AKR1E2: variants seen among roughly 807,000 people sequenced by gnomAD.
AKR1E2 encodes aldo-keto reductase family 1 member E2, also known as 1,5-anhydro-D-fructose reductase.
Under a neutral mutation model 41.9 loss-of-function variants are expected in AKR1E2, and 43 were observed. The observed-to-expected ratio is 1.03, with a 90% CI of 0.80 to 1.32. AKR1E2 has a LOEUF of 1.32. Among genes scored for constraint, AKR1E2 ranks in the 40% most tolerant of loss-of-function variants. AKR1E2 has a pLI of 0.00. For missense variants in AKR1E2, 423 were observed against 396.5 expected (o/e 1.07, Z -0.57); for synonymous variants, 121 against 138.9 (o/e 0.87, Z 0.91).
chr10:4,869,950 G>T, the AKR1E2 span, among the ~76,000 whole-genome samples: 1 of 151,824 alleles, frequency 6.6e-6, no homozygotes, highest in Admixed American at 6.6e-5. Context: ...TTTGTTTTAT[G>T]GCCAGAATAT....
chr10:4,834,874 G>C (rs1833277700), intron 3 of AKR1E2, among the ~76,000 whole-genome samples: 2 of 152,352 alleles, frequency 1.3e-5, no homozygotes, highest in South Asian at 4.1e-4. Flanking sequence ...CTTGTGTGAT[G>C]CTGGACAATT....
At chr10:4,838,560 T>C (rs1281190299) in intron 5 of AKR1E2, among the ~76,000 whole-genome samples, 1 of 152,146 alleles carries the variant, frequency 6.6e-6, no homozygotes. Context: ...TGCAGAAAAG[T>C]GTGTGAATCA....
At chr10:4,867,698 C>G in the AKR1E2 span, among the ~76,000 whole-genome samples, 1 of 152,204 alleles carries the variant, frequency 6.6e-6, no homozygotes, top group African/African-American at 2.4e-5. Flanking sequence ...TGACTAGTTT[C>G]TTTTTAACCC....
chr10:4,857,395 A>C, the AKR1E2 span, among the ~76,000 whole-genome samples: 1 of 140,020 alleles, frequency 7.1e-6, no homozygotes, highest in South Asian at 2.2e-4. Flanking sequence ...AAAAGTGTGT[A>C]GTACCCCCCA....
chr10:4,872,628 G>C, the AKR1E2 span, among the ~76,000 whole-genome samples: 2 of 152,112 alleles, frequency 1.3e-5, no homozygotes, highest in Non-Finnish European at 1.5e-5. Context: ...CCCCTACCCT[G>C]TTTCTCATTT....
At position 4,830,666 on chromosome 10, in the gene AKR1E2, G is replaced by T; in HGVS notation, c.40-9G>T. On this transcript the variant is annotated splice_polypyrimidine_tract_variant and intron_variant, in intron 1 of 9. Transcript: ENST00000298375. ...TGTGAGAAGACACTTTGTTTTGTTG[G>T]TTTTGCAGGCTTCTCCAGGGAAAGT... 1 of 1,613,572 alleles carries T rather than the reference G, an allele frequency of 6.2e-7. No individual in the cohort carries two copies. Among genetic ancestry groups the T allele is most frequent in the Non-Finnish European group, 8.5e-7 (1 of 1,179,622 alleles).
downstream of AKR1E2, among the ~76,000 whole-genome samples, chr10:4,852,823 G>A (rs951039739): frequency 6.6e-6 from 1 of 152,114 alleles, no homozygotes; most frequent in African/African-American, 2.4e-5. Context: ...GAGGCTAGAA[G>A]TCTAGGGTCA....
intron 8 of AKR1E2, among the ~76,000 whole-genome samples, chr10:4,844,874 C>T (rs940451399): frequency 2.6e-5 from 4 of 152,244 alleles, no homozygotes; most frequent in African/African-American, 9.6e-5. Context: ...CCGCACGGGG[C>T]CGCAGGTGAA....
the AKR1E2 span, among the ~76,000 whole-genome samples, chr10:4,859,159 T>G: frequency 6.6e-6 from 1 of 152,202 alleles, no homozygotes; most frequent in East Asian, 1.9e-4. Context: ...ATGTATGGTC[T>G]TTGAAGTTTT....
the AKR1E2 span, among the ~76,000 whole-genome samples, chr10:4,871,430 T>G: frequency 5.3e-5 from 8 of 152,182 alleles, no homozygotes; most frequent in African/African-American, 1.9e-4. Context: ...TACATTCATT[T>G]ATAATATCTA....
chr10:4,826,257 T>G lies in AKR1E2; in HGVS notation c.-68T>G. ...CAACGGCGGGTCGCCAGCGCCGCAG[T>G]AGCTCGCGCGGTGCCTGTCGGTAGT... On this transcript the variant is annotated 5_prime_UTR_variant, in exon 1 of 10. Coordinates refer to ENST00000298375, the MANE Select transcript of AKR1E2 (RefSeq NM_001040177.3). The G allele has an allele frequency of 8.3e-7, 1 of 1,201,624 alleles. No individual in the cohort carries two copies. Among genetic ancestry groups the G allele is most frequent in the Non-Finnish European group, 1.0e-6 (1 of 959,764 alleles). The allele number at this position is 1,201,624 out of a possible 1,614,324, so 74.4% of individuals were successfully genotyped here.
chr10:4,872,950 A>G, the AKR1E2 span, among the ~76,000 whole-genome samples: 1 of 152,144 alleles, frequency 6.6e-6, no homozygotes, highest in Admixed American at 6.5e-5. Context: ...ATCCTGCTCT[A>G]TGGGGAAAGA....
intron 2 of AKR1E2, among the ~76,000 whole-genome samples, chr10:4,832,885 A>G (rs1284550616): frequency 1.3e-5 from 2 of 152,240 alleles, no homozygotes; most frequent in Non-Finnish European, 2.9e-5. Context: ...GATAGCTAAA[A>G]GAAGTAAGGC....
chr10:4,825,523 T>C (rs1280314520), upstream of AKR1E2, among the ~76,000 whole-genome samples: 1 of 152,076 alleles, frequency 6.6e-6, no homozygotes, highest in Admixed American at 6.5e-5. Context: ...CCCCTCTACA[T>C]GCAGGGCTCG....
chr10:4,842,616 T>C lies in AKR1E2; in HGVS notation c.837+112T>C, dbSNP rs12573690. ...TTGCGGAGCTTGATGCAACAGGGGC[T>C]TCTCCCTCTGCACTGTGGGTGTTGG... On this transcript the variant is annotated intron_variant, in intron 8 of 9. Coordinates refer to ENST00000298375, the MANE Select transcript of AKR1E2 (RefSeq NM_001040177.3). 35,757 of 912,612 alleles carry C rather than the reference T, an allele frequency of 0.039. 1,019 individuals are homozygous for C. The highest frequency in any genetic ancestry group is 0.12 in the East Asian group (4,874 of 40,214). The allele number at this position is 912,612 out of a possible 1,614,324, so 56.5% of individuals were successfully genotyped here. A position where few individuals can be genotyped will look rare whatever the true frequency, so the allele number is the denominator to read the frequency against.
chr10:4,846,631 C>T (rs1350979980), intron 8 of AKR1E2, among the ~76,000 whole-genome samples: 1 of 151,736 alleles, frequency 6.6e-6, no homozygotes, highest in African/African-American at 2.4e-5. Flanking sequence ...CTGCAACCTC[C>T]ACCTCCTGGG....
At chr10:4,866,723 C>T in the AKR1E2 span, among the ~76,000 whole-genome samples, 1 of 144,786 alleles carries the variant, frequency 6.9e-6, no homozygotes, top group Admixed American at 7.4e-5. Context: ...TCACTGCAGG[C>T]TCCGGGAGCA....
the AKR1E2 span, among the ~76,000 whole-genome samples, chr10:4,872,983 C>G: frequency 6.6e-6 from 1 of 152,064 alleles, no homozygotes; most frequent in African/African-American, 2.4e-5. Flanking sequence ...GGGGGAATGG[C>G]CAGTGGAAAG....
At chr10:4,839,580 C>A in intron 5 of AKR1E2, 149 bp from the exon 6 acceptor site, 1 of 687,976 alleles carries the variant, frequency 1.5e-6, no homozygotes. Context: ...TTGCTCTGTC[C>A]AGACTCCTCA....
Sources: allele counts gnomAD v4.1 joint callset (sites outside exome capture counted in the v4.1 genomes callset), GRCh38; gene constraint gnomAD v4.1.1; transcripts MANE v1.5; gene names NCBI Gene and HGNC (gene_info 2026-07-23, HGNC 2026-07-21).